PCDHGB3: variants seen among roughly 807,000 people sequenced by gnomAD.
PCDHGB3 encodes the protein protocadherin gamma subfamily B, 3.
Under a neutral mutation model 59.2 loss-of-function variants are expected in PCDHGB3, and 40 were observed. The ratio of observed to expected loss-of-function variants is 0.68; its 90% CI spans 0.52 to 0.88. The LOEUF is 0.88. Ranked by LOEUF, PCDHGB3 falls within the 40% of genes least tolerant of loss-of-function variation. PCDHGB3 has a pLI of 0.00. For synonymous variants in PCDHGB3, 581 were observed against 503.6 expected (o/e 1.15, Z -2.06); for missense variants, 1,309 against 1,187.9 (o/e 1.10, Z -1.50).
chr5:141,395,310 A>T (rs752171326), intron 1 of PCDHGB3: 1 of 1,502,292 alleles, frequency 6.7e-7, no homozygotes, highest in African/African-American at 1.4e-5. Context: ...TTTGAAAAAC[A>T]TTGTGAAGAT....
intron 1 of PCDHGB3, chr5:141,418,297 C>T (rs760176371): frequency 2.5e-6 from 4 of 1,614,026 alleles, no homozygotes; most frequent in African/African-American, 2.7e-5. Flanking sequence ...GTGAATCCGT[C>T]AGCCTGGGGA....
At chr5:141,385,316 G>T in intron 1 of PCDHGB3, 2 of 1,610,350 alleles carry the variant, frequency 1.2e-6, no homozygotes, top group Non-Finnish European at 1.7e-6. Flanking sequence ...AACCTGCCAA[G>T]TATTCAGGTG....
At chr5:141,405,457 T>TC in intron 1 of PCDHGB3, 3 of 1,256,668 alleles carry the variant, frequency 2.4e-6, no homozygotes, top group South Asian at 1.4e-5. Context: ...TCTTACTCTG[T>TC]TACCCAGGCT....
At chr5:141,417,538 A>G (rs2154547037) in intron 1 of PCDHGB3, 2 of 297,748 alleles carry the variant, frequency 6.7e-6, no homozygotes, top group East Asian at 6.0e-5. Flanking sequence ...AGTTTAAAAA[A>G]AATTCCTTGA....
At chr5:141,497,969 C>T (rs1595499086) in intron 2 of PCDHGB3, among the ~76,000 whole-genome samples, 1 of 152,160 alleles carries the variant, frequency 6.6e-6, no homozygotes. Flanking sequence ...GCAGTGTTCT[C>T]GATGTGGGAG....
At chr5:141,409,438 A>C (rs1459982502) in intron 1 of PCDHGB3, 1 of 1,613,866 alleles carries the variant, frequency 6.2e-7, no homozygotes, top group Non-Finnish European at 8.5e-7. Context: ...CCCTGGACCG[A>C]GAGCAGACAC....
At position 141,410,196 on chromosome 5, in the gene PCDHGB3, C is replaced by A. The variant is rs773310778; in HGVS notation, c.2415+37387C>A. 7.4e-6 allele frequency: 12 copies of A among 1,613,866 alleles called. No individual in the cohort carries two copies. In the South Asian group the frequency reaches 1.2e-4, roughly 16 times the overall value. On this transcript the variant is annotated intron_variant, in intron 1 of 3. Transcript: ENST00000576222. ...ACCGCCACGCTTCATCTGGTCTTCG[C>A]AGACAACTTGCAAGAGATACTGCCA... is the stretch of plus-strand genomic sequence containing the variant.
intron 1 of PCDHGB3, among the ~76,000 whole-genome samples, chr5:141,435,539 C>T (rs75717921): frequency 1.3e-5 from 2 of 152,226 alleles, no homozygotes; most frequent in South Asian, 4.1e-4. Flanking sequence ...TCAGAATTAA[C>T]AAAATGTGTT....
At chr5:141,480,221 T>C (rs2099514536) in intron 1 of PCDHGB3, among the ~76,000 whole-genome samples, 1 of 149,748 alleles carries the variant, frequency 6.7e-6, no homozygotes, top group Admixed American at 6.7e-5. Context: ...CTGAGCGACA[T>C]AGTGAGATCC....
Position 141,412,876 on chromosome 5 carries a change from A to G in PCDHGB3, c.2415+40067A>G, listed in dbSNP as rs1206092699. 12 of 281,096 alleles carry G rather than the reference A, an allele frequency of 4.3e-5. No homozygotes were observed. The East Asian group carries it at 7.9e-4, about 19-fold the overall frequency. The allele number at this position is 281,096 out of a possible 1,614,324, so 17.4% of individuals were successfully genotyped here. A position where few individuals can be genotyped will look rare whatever the true frequency, so the allele number is the denominator to read the frequency against. On this transcript the variant is annotated intron_variant, in intron 1 of 3. Coordinates refer to ENST00000576222, the MANE Select transcript of PCDHGB3 (RefSeq NM_018924.5). ...CAAAGAATCTATGTAAAATATAATAATCCAACAGAATAGTTTACTTTCCAT... is the reference window on the plus strand; with the variant it reads ...CAAAGAATCTATGTAAAATATAATAGTCCAACAGAATAGTTTACTTTCCAT...
intron 1 of PCDHGB3, among the ~76,000 whole-genome samples, chr5:141,380,623 C>T (rs1249230107): frequency 6.6e-6 from 1 of 152,204 alleles, no homozygotes; most frequent in Non-Finnish European, 1.5e-5. Flanking sequence ...TGTTCGATAA[C>T]TTAGAAAATG....
intron 1 of PCDHGB3, among the ~76,000 whole-genome samples, chr5:141,451,703 A>G (rs975120935): frequency 6.6e-6 from 1 of 152,144 alleles, no homozygotes; most frequent in Non-Finnish European, 1.5e-5. Flanking sequence ...GTAACATGAC[A>G]AAACCCTGCC....
intron 1 of PCDHGB3, chr5:141,421,041 C>G (rs963777669): frequency 5.5e-6 from 3 of 546,514 alleles, no homozygotes; most frequent in Non-Finnish European, 9.5e-6. Context: ...TCCCTCCCTC[C>G]CCCGCCTCTA....
intron 1 of PCDHGB3, among the ~76,000 whole-genome samples, chr5:141,442,612 A>C (rs1180568407): frequency 6.6e-6 from 1 of 152,212 alleles, no homozygotes; most frequent in Non-Finnish European, 1.5e-5. Flanking sequence ...ATCTCAGTAA[A>C]AAGCATTTCT....
chr5:141,423,610 G>GT, intron 1 of PCDHGB3: 1 of 1,611,424 alleles, frequency 6.2e-7, no homozygotes, highest in African/African-American at 1.3e-5. Context: ...ACTCTTGATA[G>GT]CTGAAGACTC....
rs374154790 is a variant in PCDHGB3, at chr5:141,490,709, C to A, written c.2416-4098C>A. The A allele has an allele frequency of 3.2e-5, 52 of 1,614,218 alleles. No homozygotes were observed. In the African/African-American group the frequency reaches 6.3e-4, roughly 19 times the overall value. On this transcript the variant is annotated intron_variant, in intron 1 of 3. Coordinates refer to ENST00000576222, the MANE Select transcript of PCDHGB3 (RefSeq NM_018924.5). The surrounding 1 kb of genome is among the most constrained non-coding windows in gnomAD (Gnocchi z 5.4). ...GACACTGGGGATAATGCCCGCCTCA[C>A]CTACTCCATTGTAGGAAATCAGGTT...
chr5:141,393,739 A>G (rs1589203711), intron 1 of PCDHGB3: 1 of 1,613,800 alleles, frequency 6.2e-7, no homozygotes, highest in Non-Finnish European at 8.5e-7. Flanking sequence ...AGTCTAGATT[A>G]TGAAGAATGT....
intron 1 of PCDHGB3, chr5:141,419,095 G>A (rs1478382101): frequency 1.2e-6 from 2 of 1,613,816 alleles, no homozygotes; most frequent in African/African-American, 2.7e-5. Context: ...CCCTGGATCG[G>A]GAGCAGACCC....
intron 1 of PCDHGB3, chr5:141,403,779 A>G: frequency 6.2e-7 from 1 of 1,613,970 alleles, no homozygotes; most frequent in Non-Finnish European, 8.5e-7. Context: ...ATCAACGGAA[A>G]AGTGGCATAC....
Sources: gnomAD v4.1 joint callset for allele counts (sites outside exome capture counted in the v4.1 genomes callset) on GRCh38, gnomAD v4.1.1 for gene constraint, Gnocchi (gnomAD v3.1) non-coding constraint, MANE v1.5 for transcripts, NCBI Gene and HGNC (gene_info 2026-07-23, HGNC 2026-07-21) for gene names.